The following ZBTB7B variants were observed in gnomAD, a reference collection of about 807,000 sequenced individuals.
The protein encoded by ZBTB7B is zinc finger and BTB domain containing 7B.
Under a neutral mutation model 31.0 loss-of-function variants are expected in ZBTB7B, and 8 were observed. The observed-to-expected ratio is 0.26, with a 90% CI of 0.15 to 0.47. ZBTB7B has a LOEUF of 0.47. Among genes scored for constraint, ZBTB7B ranks in the 20% least tolerant of loss-of-function variants. The pLI, the probability that ZBTB7B is intolerant of heterozygous loss-of-function variation, is 0.99. For synonymous variants in ZBTB7B, 261 were observed against 307.3 expected (o/e 0.85, Z 1.58); for missense variants, 494 against 742.4 (o/e 0.67, Z 3.89).
Position 155,010,735 on chromosome 1 carries a change from C to T in ZBTB7B, c.-6-3920C>T, listed in dbSNP as rs545106118. 3.9e-5 allele frequency among the ~76,000 whole-genome samples: 6 copies of T among 152,144 alleles called. No individual in the cohort carries two copies. The South Asian group carries it at 6.2e-4, about 16-fold the overall frequency. ...AATTTCCCCACCCCCCTGGTCCAGA[C>T]GCAGGCCAAAGCCATGGCTTCGTGC... On this transcript the variant is annotated intron_variant, in intron 1 of 2. Transcript: ENST00000535420.
rs1383920529 is a variant in ZBTB7B at position 155,003,810 on chromosome 1, G to A, written c.-7+867G>A. On this transcript the variant is annotated intron_variant, in intron 1 of 2. Transcript: ENST00000535420. The surrounding 1 kb of genome is among the most constrained non-coding windows in gnomAD (Gnocchi z 5.8). ...GCTGCCATTCAAAGGGGTGGGGGGC[G>A]CTGCTTTCAATTTCCAGCTTTCTCT... 2.0e-5 allele frequency among the ~76,000 whole-genome samples: 3 copies of A among 152,316 alleles called. No homozygotes were observed. Among genetic ancestry groups the A allele is most frequent in the African/African-American group, 7.2e-5 (3 of 41,574 alleles).
chr1:155,014,770 C>T lies in ZBTB7B; in HGVS notation c.110C>T (p.Thr37Ile). ...QRQLGHLCDL[T>I]IRTQGLEYRT... is the part of the protein sequence containing the mutation. ...CAGCTGGGCCACCTATGTGACCTCACCATCCGGACGCAGGGCCTTGAATAC... is the reference window on the plus strand; with the variant it reads ...CAGCTGGGCCACCTATGTGACCTCATCATCCGGACGCAGGGCCTTGAATAC... The change falls in exon 2 of 3, where the codon ACC (threonine) becomes ATC (isoleucine). Residue 37 changes from threonine (T) to isoleucine (I), a missense_variant. Physicochemically the swap from Thr to Ile is moderately conservative, Grantham distance 89. Around this residue, in one of 5 missense-constraint regions of ZBTB7B, gnomAD observed 26 missense variants for 80.4 expected, o/e 0.32. Coordinates refer to ENST00000535420, the MANE Select transcript of ZBTB7B (RefSeq NM_001256455.2). The T allele has an allele frequency of 6.2e-7, 1 of 1,614,232 alleles. No homozygotes were observed. The highest frequency in any genetic ancestry group is 1.1e-5 in the South Asian group (1 of 91,088).
chr1:155,011,150 G>C (rs1238126991), intron 1 of ZBTB7B: 3 of 820,272 alleles, frequency 3.7e-6, no homozygotes, highest in Admixed American at 2.4e-5. Context: ...TCCCCAGGGT[G>C]GGGGAAAGGG....
upstream of ZBTB7B, among the ~76,000 whole-genome samples, chr1:155,002,182 G>T (rs1658264182): frequency 6.6e-6 from 1 of 152,026 alleles, no homozygotes; most frequent in South Asian, 2.1e-4. Context: ...AACGCAAGGC[G>T]AGACCTACTG....
In ZBTB7B at chr1:155,016,644, C is replaced by A; in HGVS notation, c.1579C>A (p.Pro527Thr). 1.3e-6 allele frequency: 2 copies of A among 1,592,244 alleles called. No individual in the cohort carries two copies. The highest frequency in any genetic ancestry group is 8.6e-7 in the Non-Finnish European group (1 of 1,168,122). ...TGATGACGATGAGGAGGAAGGGGCA[C>A]CCACCACACCCCAGGCTGAAGGTGC... ...PPDDDEEEGA[P>T]TTPQAEGAME... Residue 527 changes from proline to threonine, a missense_variant, in exon 3 of 3, where the codon CCC becomes ACC. Pro to Thr is a conservative substitution (Grantham distance 38). Transcript: ENST00000535420. The surrounding 1 kb of genome is among the most constrained non-coding windows in gnomAD (Gnocchi z 4.3).
intron 1 of ZBTB7B, among the ~76,000 whole-genome samples, chr1:155,010,720 C>G (rs1009492124): frequency 6.6e-6 from 1 of 152,054 alleles, no homozygotes; most frequent in Non-Finnish European, 1.5e-5. Flanking sequence ...AATTTCCCCA[C>G]CCCCCTGGTC....
intron 1 of ZBTB7B, among the ~76,000 whole-genome samples, chr1:155,005,612 C>G (rs928845015): frequency 6.6e-6 from 1 of 152,242 alleles, no homozygotes; most frequent in Non-Finnish European, 1.5e-5. Flanking sequence ...GCCTCTGCCC[C>G]GCTTGGCTCC....
At chr1:155,014,306 A>C in intron 1 of ZBTB7B, 1 of 228,220 alleles carries the variant, frequency 4.4e-6, no homozygotes, top group Admixed American at 5.1e-5. Context: ...CAGGTGACAT[A>C]GATGGACCTC....
In ZBTB7B at chr1:155,016,718, G is replaced by T; in HGVS notation, c.*33G>T. 1 of 1,272,800 alleles carries T rather than the reference G, an allele frequency of 7.9e-7. No individual in the cohort carries two copies. Among genetic ancestry groups the T allele is most frequent in the Non-Finnish European group, 1.1e-6 (1 of 926,894 alleles). 78.8% of individuals were successfully genotyped at this position (1,272,800 alleles called of 1,614,324 possible). On this transcript the variant is annotated 3_prime_UTR_variant, in exon 3 of 3. Coordinates refer to ENST00000535420, the MANE Select transcript of ZBTB7B (RefSeq NM_001256455.2). The surrounding 1 kb of genome is among the most constrained non-coding windows in gnomAD (Gnocchi z 4.3). The stretch of plus-strand genomic sequence containing the variant: ...CGAGGGCCAGACTGAAGCAGCACAA[G>T]GCCGGGGACACCCATGCCAAGCAGT...
In ZBTB7B at chr1:155,003,333, C is replaced by A. The variant is rs900648846; in HGVS notation, c.-7+390C>A. 4.7e-5 allele frequency among the ~76,000 whole-genome samples: 7 copies of A among 147,720 alleles called. No individual in the cohort carries two copies. Among genetic ancestry groups the A allele is most frequent in the African/African-American group, 1.8e-4 (7 of 39,594 alleles). The stretch of plus-strand genomic sequence containing the variant: ...TGAGTTGAGGGAATGGAAACGCTGA[C>A]GGACTCTAACTAGGACAACGCGCAC... On this transcript the variant is annotated intron_variant, in intron 1 of 2. Coordinates refer to ENST00000535420, the MANE Select transcript of ZBTB7B (RefSeq NM_001256455.2). The surrounding 1 kb of genome is among the most constrained non-coding windows in gnomAD (Gnocchi z 5.8).
intron 1 of ZBTB7B, chr1:155,011,044 G>A (rs1039639037): frequency 2.0e-5 from 30 of 1,509,310 alleles, no homozygotes; most frequent in East Asian, 2.5e-5. Context: ...GGGGAGGGGG[G>A]GCTCTGCGTG....
intron 1 of ZBTB7B, among the ~76,000 whole-genome samples, chr1:155,012,699 G>T (rs1036360824): frequency 6.6e-6 from 1 of 151,824 alleles, no homozygotes; most frequent in East Asian, 1.9e-4. Context: ...TTCTGTGCAG[G>T]AGCCCTGGCC....
chr1:155,011,104 G>A (rs973197190), intron 1 of ZBTB7B: 15 of 1,196,344 alleles, frequency 1.3e-5, no homozygotes, highest in African/African-American at 4.6e-5. Flanking sequence ...TCCTGGTTCC[G>A]CCTGCTGCCC....
At position 155,016,118 on chromosome 1, in the gene ZBTB7B, T is replaced by C; in HGVS notation, c.1155-102T>C. On this transcript the variant is annotated intron_variant, in intron 2 of 2. Coordinates refer to ENST00000535420, the MANE Select transcript of ZBTB7B (RefSeq NM_001256455.2). The surrounding 1 kb of genome is among the most constrained non-coding windows in gnomAD (Gnocchi z 4.3). ...CCTGGGGCAATAGTGGGGTAACAAA[T>C]GGTGAGGAACAGGGATGGGACAAGG... The C allele has an allele frequency of 7.8e-7, 1 of 1,281,238 alleles. No individual in the cohort carries two copies. Among genetic ancestry groups the C allele is most frequent in the Non-Finnish European group, 1.1e-6 (1 of 917,142 alleles). The allele number at this position is 1,281,238 out of a possible 1,614,324, so 79.4% of individuals were successfully genotyped here.
At chr1:155,010,602 G>A (rs920583567) in intron 1 of ZBTB7B, among the ~76,000 whole-genome samples, 3 of 152,072 alleles carry the variant, frequency 2.0e-5, no homozygotes, top group Non-Finnish European at 4.4e-5. Flanking sequence ...TCCCCAACTG[G>A]GCAATCCAGA....
chr1:155,014,006 G>A, intron 1 of ZBTB7B: 1 of 985,536 alleles, frequency 1.0e-6, no homozygotes, highest in Non-Finnish European at 1.2e-6. Flanking sequence ...GTTTGCATAT[G>A]TTTTACAGTG....
chr1:155,016,614 C>T lies in ZBTB7B; in HGVS notation c.1549C>T (p.Pro517Ser). ...PTGPPVSTPG[P>S]PDDDEEEGAP... ...TGGGCCCCCGGTCTCTACCCCAGGG[C>T]CCCCTGATGACGATGAGGAGGAAGG... The change falls in exon 3 of 3, where the codon CCC becomes TCC. Residue 517 changes from proline (P) to serine (S), a missense_variant. Coordinates refer to ENST00000535420, the MANE Select transcript of ZBTB7B (RefSeq NM_001256455.2). The surrounding 1 kb of genome is among the most constrained non-coding windows in gnomAD (Gnocchi z 4.3). The T allele has an allele frequency of 6.2e-7, 1 of 1,611,032 alleles. No homozygotes were observed.
chr1:155,006,825 C>T lies in ZBTB7B; in HGVS notation c.-7+3882C>T, dbSNP rs1658587425. Among the ~76,000 whole-genome samples, 4 of 152,236 alleles carry T rather than the reference C, an allele frequency of 2.6e-5. No homozygotes were observed. The East Asian group carries it at 7.7e-4, about 29-fold the overall frequency. On this transcript the variant is annotated intron_variant, in intron 1 of 2. Coordinates refer to ENST00000535420, the MANE Select transcript of ZBTB7B (RefSeq NM_001256455.2). ...CCTTTCCTCCCCCTTTGCCTGGGAG[C>T]AGGGGTCCTCTTTCCTCCACCATGG... is the stretch of plus-strand genomic sequence containing the variant.
upstream of ZBTB7B, among the ~76,000 whole-genome samples, chr1:155,001,825 C>T (rs1359887814): frequency 1.3e-5 from 2 of 151,858 alleles, no homozygotes; most frequent in Non-Finnish European, 2.9e-5. The surrounding 1 kb of genome is among the most constrained non-coding windows in gnomAD (Gnocchi z 4.8). Context: ...GCAGGGCGCC[C>T]GCAGGCTCAA....
Sources: allele counts gnomAD v4.1 joint callset (sites outside exome capture counted in the v4.1 genomes callset), GRCh38; gene constraint gnomAD v4.1.1; regional missense constraint gnomAD v4.1.1; non-coding constraint Gnocchi (gnomAD v3.1); transcripts MANE v1.5; gene names NCBI Gene and HGNC (gene_info 2026-07-23, HGNC 2026-07-21).